The following RAF1 variants were observed in gnomAD, a reference collection of about 807,000 sequenced individuals.
The protein encoded by RAF1 is RAF proto-oncogene serine/threonine-protein kinase.
A neutral mutation model predicts 81.1 loss-of-function variants in RAF1; 27 were observed. That is an observed-to-expected ratio of 0.33 (90% CI 0.25 to 0.46). RAF1 has a LOEUF of 0.46. Among genes scored for constraint, RAF1 ranks in the 20% least tolerant of loss-of-function variants. The pLI is 1.00. For synonymous variants in RAF1, 298 were observed against 294.0 expected, an observed-to-expected ratio of 1.01 and a Z score of -0.14; for missense variants, 598 against 826.0, an observed-to-expected ratio of 0.72 and a Z score of 3.38.
intron 2 of RAF1, among the ~76,000 whole-genome samples, chr3:12,615,538 A>G (rs537832373): frequency 6.6e-6 from 1 of 152,294 alleles, no homozygotes; most frequent in South Asian, 2.1e-4. Context: ...GGCCTAGCTA[A>G]GCAACTCTTC....
rs1482997487 is a variant in RAF1 at position 12,584,090 on chromosome 3, G to A, written c.*424C>T. 3 of 309,726 alleles carry A rather than the reference G, an allele frequency of 9.7e-6. No individual in the cohort carries two copies. The highest frequency in any genetic ancestry group is 9.5e-5 in the East Asian group (2 of 21,146). 19.2% of individuals were successfully genotyped at this position (309,726 alleles called of 1,614,324 possible). A position where few individuals can be genotyped will look rare whatever the true frequency, so the allele number is the denominator to read the frequency against. On this transcript the variant is annotated 3_prime_UTR_variant, in exon 18 of 18. Transcript: ENST00000442415. ...TGCACCACTCTCTGAAGAAAGTCCCGCCTGTGACATGCATTCCTCCAGAAG... is the reference window on the plus strand; with the variant it reads ...TGCACCACTCTCTGAAGAAAGTCCCACCTGTGACATGCATTCCTCCAGAAG...
Position 12,664,079 on chromosome 3 carries a change from C to G in RAF1, c.-293G>C, listed in dbSNP as rs1044277883. On this transcript the variant is annotated 5_prime_UTR_variant, in exon 1 of 18. Coordinates refer to ENST00000442415, the MANE Select transcript of RAF1 (RefSeq NM_001354689.3). ...CCGCCTCACAATCGTTTTCCTCTTA[C>G]TCCCGCCATCTAAGATGGCGGCCCA... 2.5e-6 allele frequency: 1 copy of G among 398,352 alleles called. No homozygotes were observed. Among genetic ancestry groups the G allele is most frequent in the African/African-American group, 2.1e-5 (1 of 48,642 alleles). The allele number at this position is 398,352 out of a possible 1,614,324, so 24.7% of individuals were successfully genotyped here.
At chr3:12,591,835 TCA>T (rs780169333) in intron 11 of RAF1, 43 bp from the exon 11 acceptor site, 6 of 1,388,420 alleles carry the variant, frequency 4.3e-6, no homozygotes, top group Admixed American at 3.4e-5. Context: ...TTGAATGATC[TCA>T]GTCTTTCAAA....
At chr3:12,616,291 G>A (rs1260026089) in intron 2 of RAF1, among the ~76,000 whole-genome samples, 2 of 152,184 alleles carry the variant, frequency 1.3e-5, no homozygotes, top group Admixed American at 6.5e-5. Flanking sequence ...TGGGCAAACT[G>A]GTAGCAGATG....
intron 1 of RAF1, among the ~76,000 whole-genome samples, chr3:12,650,145 C>CAAAAAA (rs36098034): frequency 3.1e-4 from 24 of 76,958 alleles, no homozygotes; most frequent in Admixed American, 2.2e-3. Context: ...GACTCCATCT[C>CAAAAAA]AAAAAAAAAA....
chr3:12,648,932 T>A (rs1199394509), intron 1 of RAF1, among the ~76,000 whole-genome samples: 1 of 152,052 alleles, frequency 6.6e-6, no homozygotes, highest in Non-Finnish European at 1.5e-5. Flanking sequence ...CTGACCAACA[T>A]GGAGAAACCC....
chr3:12,610,026 A>T (rs968073562), intron 3 of RAF1, among the ~76,000 whole-genome samples: 65 of 152,234 alleles, frequency 4.3e-4, no homozygotes, highest in African/African-American at 1.2e-3. Context: ...CTGTAGTTGT[A>T]GGGTCTATAA....
chr3:12,632,731 C>A (rs2059900860), intron 1 of RAF1, among the ~76,000 whole-genome samples: 1 of 152,190 alleles, frequency 6.6e-6, no homozygotes, highest in Admixed American at 6.5e-5. Flanking sequence ...CAGTCCCAGG[C>A]TGATCCTTTT....
intron 3 of RAF1, among the ~76,000 whole-genome samples, chr3:12,610,471 CA>C (rs973958020): frequency 6.6e-6 from 1 of 152,186 alleles, no homozygotes; most frequent in Non-Finnish European, 1.5e-5. Context: ...AGAGTAGCTC[CA>C]AACCAGTGCA....
intron 1 of RAF1, among the ~76,000 whole-genome samples, chr3:12,654,180 G>GA (rs397811310): frequency 6.6e-6 from 1 of 150,836 alleles, no homozygotes; most frequent in African/African-American, 2.4e-5. Flanking sequence ...TAGAGATGGG[G>GA]TCTCACTATG....
rs534346434 is a variant in RAF1, at chr3:12,626,286, T to A, written c.-26-7539A>T. On this transcript the variant is annotated intron_variant, in intron 1 of 17. Coordinates refer to ENST00000442415, the MANE Select transcript of RAF1 (RefSeq NM_001354689.3). ...AGTAAACCAAACATTAAAAAAAAAATTTTTTTTAATTGTTCATGGGCTGGG... is the reference window on the plus strand; with the variant it reads ...AGTAAACCAAACATTAAAAAAAAAAATTTTTTTAATTGTTCATGGGCTGGG... 1.8e-3 allele frequency among the ~76,000 whole-genome samples: 267 copies of A among 146,616 alleles called. 1 individual carries two copies. The highest frequency in any genetic ancestry group is 6.1e-3 in the African/African-American group (243 of 39,854).
intron 1 of RAF1, among the ~76,000 whole-genome samples, chr3:12,630,655 T>C (rs80014056): frequency 3.9e-5 from 6 of 152,144 alleles, no homozygotes; most frequent in South Asian, 2.1e-4. Flanking sequence ...AAAAAGATCA[T>C]AGACTTGAGT....
At chr3:12,587,294 T>G (rs778820978) in intron 14 of RAF1, 1 of 470,006 alleles carries the variant, frequency 2.1e-6, no homozygotes, top group African/African-American at 2.0e-5. Context: ...TTACTAATAG[T>G]GTGATAAAAT....
At chr3:12,592,007 G>A in intron 11 of RAF1, 1 of 587,506 alleles carries the variant, frequency 1.7e-6, no homozygotes. Context: ...TGACCTCCAG[G>A]GCTTAAGCAA....
chr3:12,650,680 A>G (rs2060494759), intron 1 of RAF1, among the ~76,000 whole-genome samples: 1 of 152,226 alleles, frequency 6.6e-6, no homozygotes, highest in East Asian at 1.9e-4. Context: ...TCAGGGAGAC[A>G]TGGTCCTTGC....
Position 12,583,871 on chromosome 3 carries a change from G to C in RAF1, c.*643C>G, listed in dbSNP as rs932173134. 4.3e-5 allele frequency: 10 copies of C among 234,894 alleles called. No homozygotes were observed. The highest frequency in any genetic ancestry group is 8.4e-5 in the Non-Finnish European group (10 of 118,974). 14.6% of individuals were successfully genotyped at this position (234,894 alleles called of 1,614,324 possible). A position where few individuals can be genotyped will look rare whatever the true frequency, so the allele number is the denominator to read the frequency against. On this transcript the variant is annotated 3_prime_UTR_variant, in exon 18 of 18. Coordinates refer to ENST00000442415, the MANE Select transcript of RAF1 (RefSeq NM_001354689.3). Reference sequence around the variant, plus strand: ...TCAGCATGATGGAAGACTGCTCCCTGAGAGGGCTGAGATGCGGATTGGCCG... The same window carrying C: ...TCAGCATGATGGAAGACTGCTCCCTCAGAGGGCTGAGATGCGGATTGGCCG...
chr3:12,596,072 TATGTTGTCC>T lies in RAF1; in HGVS notation c.1168+3610_1168+3618del, dbSNP rs1575556511. ...GTTTTAAGTAGAGACAGGGTCTCAC[TATGTTGTCC>T]AGGCTGGTCTCGATCTCCTGGGCTA... On this transcript the variant is annotated intron_variant, in intron 11 of 17. Transcript: ENST00000442415. Among the ~76,000 whole-genome samples, 3 of 151,828 alleles carry T rather than the reference TATGTTGTCC, an allele frequency of 2.0e-5. No homozygotes were observed. In the East Asian group the frequency reaches 5.8e-4, roughly 29 times the overall value.
intron 14 of RAF1, chr3:12,586,978 G>C (rs1306278492): frequency 6.6e-6 from 1 of 152,644 alleles, no homozygotes; most frequent in African/African-American, 2.4e-5. Flanking sequence ...TGGGATTATA[G>C]GTACGTGCCA....
intron 1 of RAF1, among the ~76,000 whole-genome samples, chr3:12,661,915 T>A (rs1008892297): frequency 4.0e-5 from 6 of 151,866 alleles, no homozygotes; most frequent in African/African-American, 1.5e-4. Flanking sequence ...CCAGGCACAG[T>A]GGATCACACC....
Sources: gnomAD v4.1 joint callset for allele counts (sites outside exome capture counted in the v4.1 genomes callset) on GRCh38, gnomAD v4.1.1 for gene constraint, MANE v1.5 for transcripts, NCBI Gene and HGNC (gene_info 2026-07-23, HGNC 2026-07-21) for gene names.